The following C10orf67 variants were observed in gnomAD, a reference collection of about 807,000 sequenced individuals.
C10orf67 encodes uncharacterized protein C10orf67, mitochondrial.
Under a neutral mutation model 35.6 loss-of-function variants are expected in C10orf67, and 60 were observed. The observed-to-expected ratio is 1.68, with a 90% CI of 1.37 to 2.09. The LOEUF is 2.09. Among genes scored for constraint, C10orf67 ranks in the 30% most tolerant of loss-of-function variants. The probability of loss-of-function intolerance (pLI) is 0.00; values close to 1 mark genes in which losing one functional copy is unlikely to be tolerated. For synonymous variants in C10orf67, 167 were observed against 115.8 expected, an observed-to-expected ratio of 1.44 and a Z score of -2.84; for missense variants, 474 against 330.2, an observed-to-expected ratio of 1.44 and a Z score of -3.38.
intron 1 of C10orf67, among the ~76,000 whole-genome samples, chr10:23,340,518 A>G (rs1385467787): frequency 6.6e-6 from 1 of 152,140 alleles, no homozygotes; most frequent in Non-Finnish European, 1.5e-5. Context: ...GCAGCCGGAA[A>G]TGGCAGATTC....
At chr10:23,241,649 G>A (rs1235987268) in intron 12 of C10orf67, among the ~76,000 whole-genome samples, 1 of 152,118 alleles carries the variant, frequency 6.6e-6, no homozygotes, top group East Asian at 1.9e-4. Context: ...AGATTATTTA[G>A]TGGGCCCAAT....
At chr10:23,242,267 C>T (rs1413316646) in intron 12 of C10orf67, among the ~76,000 whole-genome samples, 1 of 152,102 alleles carries the variant, frequency 6.6e-6, no homozygotes, top group African/African-American at 2.4e-5. Context: ...CCATGCCCGG[C>T]CTACTGACAT....
chr10:23,202,641 T>C (rs1438225817), downstream of C10orf67: 1 of 152,242 alleles, frequency 6.6e-6, no homozygotes, highest in African/African-American at 2.4e-5. Context: ...TGGTTTGCAA[T>C]TTCTCCCAAC....
intron 2 of C10orf67, among the ~76,000 whole-genome samples, chr10:23,328,192 A>G (rs564699886): frequency 1.8e-4 from 28 of 152,288 alleles, no homozygotes; most frequent in African/African-American, 6.3e-4. Context: ...TCTACGATCT[A>G]TAGGCATTGG....
At chr10:23,275,313 C>T (rs151039128) in intron 8 of C10orf67, among the ~76,000 whole-genome samples, 1 of 152,258 alleles carries the variant, frequency 6.6e-6, no homozygotes, top group Non-Finnish European at 1.5e-5. Context: ...ATCAAGATCG[C>T]ATCTCTTAAA....
At chr10:23,336,727 C>A (rs535051030) in intron 1 of C10orf67, among the ~76,000 whole-genome samples, 1 of 151,908 alleles carries the variant, frequency 6.6e-6, no homozygotes, top group Non-Finnish European at 1.5e-5. Flanking sequence ...TTGGCCAGGC[C>A]GGTCTCAAAC....
chr10:23,229,661 A>G (rs1281253042), intron 13 of C10orf67, among the ~76,000 whole-genome samples: 7 of 152,210 alleles, frequency 4.6e-5, no homozygotes, highest in Admixed American at 3.3e-4. Flanking sequence ...AATTGTATGC[A>G]TCTAATAATA....
chr10:23,216,893 A>T (rs1439870509), intron 15 of C10orf67, among the ~76,000 whole-genome samples: 2 of 152,204 alleles, frequency 1.3e-5, no homozygotes, highest in Non-Finnish European at 2.9e-5. Flanking sequence ...GAGGAATGAT[A>T]TCAACTCAGT....
intron 10 of C10orf67, among the ~76,000 whole-genome samples, chr10:23,258,720 C>T (rs898393455): frequency 6.6e-6 from 1 of 152,178 alleles, no homozygotes; most frequent in South Asian, 2.1e-4. Flanking sequence ...ACAATGAGAT[C>T]ATTCGGACAT....
At chr10:23,311,883 C>T (rs1165851475) in intron 4 of C10orf67, among the ~76,000 whole-genome samples, 1 of 152,050 alleles carries the variant, frequency 6.6e-6, no homozygotes, top group Admixed American at 6.6e-5. Context: ...TGTTAGTTTG[C>T]AACATTTAAA....
intron 2 of C10orf67, among the ~76,000 whole-genome samples, chr10:23,323,950 T>C (rs57601741): frequency 0.52 from 31,618 of 60,414 alleles, 10,133 homozygotes; most frequent in East Asian, 0.85. Flanking sequence ...TATATATATA[T>C]ATACACACAC....
rs374577308 is a variant in C10orf67, at chr10:23,340,498, T to A, written c.206+4071A>T. 5.8e-4 allele frequency among the ~76,000 whole-genome samples: 89 copies of A among 152,178 alleles called. 1 individual carries two copies. In the East Asian group the frequency reaches 0.013, roughly 21 times the overall value. On this transcript the variant is annotated intron_variant, in intron 1 of 15. Transcript: ENST00000636213. ...CCATACCACTGCACTCCAGCCTGGG[T>A]GACAGAGGGGCAGCCGGAAATGGCA...
At chr10:23,308,924 A>T (rs1844389146) in intron 4 of C10orf67, among the ~76,000 whole-genome samples, 1 of 152,060 alleles carries the variant, frequency 6.6e-6, no homozygotes, top group South Asian at 2.1e-4. Context: ...TGGAAACCTT[A>T]GCACCGGTCT....
chr10:23,311,364 A>G (rs1013514933), intron 4 of C10orf67, among the ~76,000 whole-genome samples: 1 of 152,184 alleles, frequency 6.6e-6, no homozygotes, highest in African/African-American at 2.4e-5. Flanking sequence ...GGGCCTGAGT[A>G]TGACAAAGTT....
chr10:23,221,073 A>G (rs897451902), intron 15 of C10orf67, among the ~76,000 whole-genome samples: 1 of 152,204 alleles, frequency 6.6e-6, no homozygotes, highest in African/African-American at 2.4e-5. Flanking sequence ...ATGCTGCTAT[A>G]AAGAACTACC....
At chr10:23,224,703 A>G (rs1588587870) in intron 13 of C10orf67, among the ~76,000 whole-genome samples, 1 of 152,204 alleles carries the variant, frequency 6.6e-6, no homozygotes, top group African/African-American at 2.4e-5. Flanking sequence ...GGAGCTGAAA[A>G]CCATGGCACA....
intron 8 of C10orf67, among the ~76,000 whole-genome samples, chr10:23,269,508 A>G (rs1842965120): frequency 6.6e-6 from 1 of 152,200 alleles, no homozygotes; most frequent in Non-Finnish European, 1.5e-5. Flanking sequence ...ACATATAGAA[A>G]ATAAATAACG....
intron 13 of C10orf67, among the ~76,000 whole-genome samples, chr10:23,235,012 C>CAAAAAAAAAAAAAAAAAAAAAAACAAAA (rs57049730): frequency 1.3e-5 from 1 of 76,050 alleles, no homozygotes; most frequent in Non-Finnish European, 2.6e-5. Context: ...AATTCCATCT[C>CAAAAAAAAAAAAAAAAAAAAAAACAAAA]AAAAAAAAAA....
chr10:23,286,091 C>T (rs987495256), intron 7 of C10orf67, among the ~76,000 whole-genome samples: 3 of 151,924 alleles, frequency 2.0e-5, no homozygotes, highest in East Asian at 1.9e-4. Context: ...GCTTGAGAAA[C>T]ATTTTCAATA....
Sources: gnomAD v4.1 joint callset for allele counts (sites outside exome capture counted in the v4.1 genomes callset) on GRCh38, gnomAD v4.1.1 for gene constraint, MANE v1.5 for transcripts, NCBI Gene and HGNC (gene_info 2026-07-23, HGNC 2026-07-21) for gene names.